Variants in MTMR8 observed in about 807,000 individuals in gnomAD.
MTMR8 encodes myotubularin related protein 8.
In MTMR8, 65 loss-of-function variants were observed where a neutral mutation model predicts 39.3. That is an observed-to-expected ratio of 1.65 (90% confidence interval 1.35 to 2.03). MTMR8 has a LOEUF of 2.03. MTMR8 is among the 30% of genes most tolerant of loss of function. The pLI is 0.00. For synonymous variants in MTMR8, 245 were observed against 185.2 expected, an observed-to-expected ratio of 1.32 and a Z score of -2.62; for missense variants, 777 against 538.9, an observed-to-expected ratio of 1.44 and a Z score of -4.37.
At chrX:64,289,509 T>C (rs1466324469) in intron 12 of MTMR8, among the ~76,000 whole-genome samples, 2 of 108,584 alleles carry the variant, frequency 1.8e-5, no homozygotes, top group African/African-American at 6.8e-5. Flanking sequence ...TGGTGGCACA[T>C]GTATGTAGTC....
chrX:64,301,096 T>C (rs1921853761), intron 12 of MTMR8, among the ~76,000 whole-genome samples: 1 of 106,791 alleles, frequency 9.4e-6, no homozygotes, highest in African/African-American at 3.4e-5. Flanking sequence ...TGGCGTTCTC[T>C]GTATTTCCTG....
intron 12 of MTMR8, among the ~76,000 whole-genome samples, chrX:64,318,708 GTT>G (rs1209006743): frequency 1.2e-5 from 1 of 82,392 alleles, no homozygotes; most frequent in African/African-American, 4.5e-5. Context: ...TTGGTTTTTT[GTT>G]TTTTTTTTTT....
chrX:64,357,431 T>A (rs1923655265), intron 2 of MTMR8, among the ~76,000 whole-genome samples: 1 of 111,529 alleles, frequency 9.0e-6, no homozygotes, highest in South Asian at 3.8e-4. Flanking sequence ...GGATAAATTT[T>A]CTATTTTTTT....
chrX:64,284,365 G>A (rs946378257), intron 12 of MTMR8, among the ~76,000 whole-genome samples: 2 of 112,225 alleles, frequency 1.8e-5, no homozygotes, highest in Non-Finnish European at 3.8e-5. Flanking sequence ...ACCTGACAGT[G>A]ACAGGGAGAA....
chrX:64,342,953 A>G (rs746033208), intron 8 of MTMR8, among the ~76,000 whole-genome samples: 2 of 112,018 alleles, frequency 1.8e-5, no homozygotes, highest in South Asian at 7.5e-4. Context: ...TTGTAAGAAA[A>G]CAAACCACTT....
intron 1 of MTMR8, among the ~76,000 whole-genome samples, chrX:64,372,818 G>T (rs1052393964): frequency 3.6e-5 from 4 of 111,783 alleles, no homozygotes; most frequent in African/African-American, 9.7e-5. Context: ...ATGAAAATAG[G>T]TTTTCATTTC....
intron 12 of MTMR8, among the ~76,000 whole-genome samples, chrX:64,274,608 G>T (rs1372355127): frequency 8.9e-6 from 1 of 112,039 alleles, no homozygotes; most frequent in Admixed American, 9.4e-5. Context: ...GCACTCTCAT[G>T]TTCATTCTGG....
chrX:64,353,885 C>T (rs1055116281), intron 4 of MTMR8, among the ~76,000 whole-genome samples: 1 of 110,792 alleles, frequency 9.0e-6, no homozygotes, highest in Non-Finnish European at 1.9e-5. Context: ...TATGGTCATG[C>T]CACTACACTC....
intron 12 of MTMR8, among the ~76,000 whole-genome samples, chrX:64,287,138 G>A (rs764266744): frequency 1.8e-3 from 202 of 111,596 alleles, no homozygotes; most frequent in Non-Finnish European, 2.3e-3. Flanking sequence ...AAATCAATGT[G>A]CAAAAATCAC....
intron 12 of MTMR8, among the ~76,000 whole-genome samples, chrX:64,291,787 C>T (rs1402482253): frequency 9.0e-6 from 1 of 111,628 alleles, no homozygotes; most frequent in Non-Finnish European, 1.9e-5. Context: ...TACTGAATTA[C>T]ACTCTATATT....
intron 8 of MTMR8, among the ~76,000 whole-genome samples, chrX:64,342,944 T>G (rs1031843228): frequency 3.6e-5 from 4 of 112,014 alleles, no homozygotes; most frequent in Non-Finnish European, 7.5e-5. Context: ...TTTTTGTTTT[T>G]GTAAGAAAAC....
At chrX:64,369,638 T>C (rs1248649695) in intron 1 of MTMR8, among the ~76,000 whole-genome samples, 1 of 110,957 alleles carries the variant, frequency 9.0e-6, no homozygotes, top group Non-Finnish European at 1.9e-5. Flanking sequence ...GGGGAAGCGA[T>C]AGCATTAGGA....
chrX:64,333,806 C>T (rs1324844988), intron 10 of MTMR8, among the ~76,000 whole-genome samples: 1 of 111,960 alleles, frequency 8.9e-6, no homozygotes, highest in Admixed American at 9.5e-5. Flanking sequence ...ATCATTAAAA[C>T]CTGCATATTG....
chrX:64,331,828 G>A (rs753331620), intron 10 of MTMR8, 71 bp from the exon 11 acceptor site: 31 of 900,553 alleles, frequency 3.4e-5, no homozygotes, highest in Non-Finnish European at 4.5e-5. Context: ...GGAATAGGCT[G>A]TAAGAGGGTC....
intron 12 of MTMR8, among the ~76,000 whole-genome samples, chrX:64,325,014 C>A (rs1922753532): frequency 9.0e-6 from 1 of 110,787 alleles, no homozygotes; most frequent in Admixed American, 9.7e-5. Context: ...CATCACAAGA[C>A]AGTATCAGGA....
At chrX:64,325,062 A>C (rs1922755362) in intron 12 of MTMR8, among the ~76,000 whole-genome samples, 1 of 111,316 alleles carries the variant, frequency 9.0e-6, no homozygotes, top group Non-Finnish European at 1.9e-5. Flanking sequence ...ACCTATAAAA[A>C]ATGGATAAAT....
chrX:64,289,179 T>C (rs1921310664), intron 12 of MTMR8, among the ~76,000 whole-genome samples: 1 of 110,279 alleles, frequency 9.1e-6, no homozygotes, highest in Non-Finnish European at 1.9e-5. Context: ...ACAACACTAA[T>C]AGAGAAATGA....
chrX:64,343,585 C>A (rs377534038), intron 8 of MTMR8, 26 bp downstream of exon 8: 1 of 1,015,311 alleles, frequency 9.8e-7, no homozygotes. Context: ...AAAGTCAGTG[C>A]AAATTTTAAA....
chrX:64,323,299 G>A (rs927795904), intron 12 of MTMR8, among the ~76,000 whole-genome samples: 1 of 111,927 alleles, frequency 8.9e-6, no homozygotes. Context: ...TAGGCTTTAA[G>A]GCAAAAACTA....
Sources: allele counts gnomAD v4.1 joint callset (sites outside exome capture counted in the v4.1 genomes callset), GRCh38; gene constraint gnomAD v4.1.1; transcripts MANE v1.5; gene names NCBI Gene and HGNC (gene_info 2026-07-23, HGNC 2026-07-21).